The following TXLNB variants were observed in gnomAD, a reference collection of about 807,000 sequenced individuals.
TXLNB encodes the protein taxilin beta.
Under a neutral mutation model 57.4 loss-of-function variants are expected in TXLNB, and 37 were observed. The observed-to-expected ratio is 0.64, with a 90% CI of 0.50 to 0.85. The LOEUF is 0.85. Ranked by LOEUF, TXLNB falls within the 40% of genes least tolerant of loss-of-function variation. The probability of loss-of-function intolerance (pLI) is 0.00; values close to 1 mark genes in which losing one functional copy is unlikely to be tolerated. For missense variants in TXLNB, 848 were observed against 825.6 expected, an observed-to-expected ratio of 1.03 and a Z score of -0.33; for synonymous variants, 302 against 309.6, an observed-to-expected ratio of 0.98 and a Z score of 0.26.
the TXLNB span, among the ~76,000 whole-genome samples, chr6:139,308,154 G>A: frequency 6.6e-6 from 1 of 152,176 alleles, no homozygotes; most frequent in South Asian, 2.1e-4. Context: ...GCTATTAAAC[G>A]AAGAGGCAAA....
At chr6:139,288,444 G>C (rs762337573) in intron 2 of TXLNB, 32 bp downstream of exon 2, 15 of 1,597,420 alleles carry the variant, frequency 9.4e-6, no homozygotes, top group Non-Finnish European at 1.3e-5. Context: ...ATACCATACA[G>C]AAAAGTCACA....
At chr6:139,208,088 A>AGG in the TXLNB span, among the ~76,000 whole-genome samples, 1 of 151,930 alleles carries the variant, frequency 6.6e-6, no homozygotes, top group African/African-American at 2.4e-5. Context: ...ACAAAAAAAA[A>AGG]GAGAGAGAGA....
chr6:139,164,303 C>T, the TXLNB span, among the ~76,000 whole-genome samples: 8 of 151,906 alleles, frequency 5.3e-5, no homozygotes, highest in African/African-American at 1.9e-4. Flanking sequence ...TGACCAAGCC[C>T]AGTGGTTCCC....
the TXLNB span, among the ~76,000 whole-genome samples, chr6:139,308,513 C>T: frequency 6.6e-6 from 1 of 152,162 alleles, no homozygotes; most frequent in Non-Finnish European, 1.5e-5. Context: ...GTGTTCACTT[C>T]CTTGTTTTGC....
At chr6:139,306,651 T>C in the TXLNB span, among the ~76,000 whole-genome samples, 1 of 152,252 alleles carries the variant, frequency 6.6e-6, no homozygotes. Context: ...GTTCCTCATA[T>C]GATATAGTCT....
At chr6:139,164,760 C>G in the TXLNB span, among the ~76,000 whole-genome samples, 3 of 152,076 alleles carry the variant, frequency 2.0e-5, no homozygotes. Flanking sequence ...CCCTTGTCAT[C>G]CCAGCCTGTA....
intron 2 of TXLNB, among the ~76,000 whole-genome samples, chr6:139,285,381 T>C (rs1441803293): frequency 2.1e-5 from 3 of 143,692 alleles, no homozygotes; most frequent in African/African-American, 7.7e-5. Flanking sequence ...GTTGCTTACC[T>C]CTGGAATGAG....
intron 7 of TXLNB, among the ~76,000 whole-genome samples, chr6:139,249,638 T>G (rs757728243): frequency 7.2e-5 from 11 of 152,122 alleles, no homozygotes; most frequent in Non-Finnish European, 1.5e-4. Flanking sequence ...AGAGGGAGTA[T>G]GTATGAGTCA....
At chr6:139,215,204 A>T in the TXLNB span, among the ~76,000 whole-genome samples, 2 of 152,220 alleles carry the variant, frequency 1.3e-5, no homozygotes, top group African/African-American at 4.8e-5. Flanking sequence ...AGCTGGAGGC[A>T]TCACGCTACC....
the TXLNB span, among the ~76,000 whole-genome samples, chr6:139,202,747 T>C: frequency 6.6e-6 from 1 of 152,236 alleles, no homozygotes; most frequent in African/African-American, 2.4e-5. Context: ...TTTGAAAATA[T>C]ACAAGAAATT....
chr6:139,308,348 G>A, the TXLNB span, among the ~76,000 whole-genome samples: 1 of 152,294 alleles, frequency 6.6e-6, no homozygotes, highest in African/African-American at 2.4e-5. Flanking sequence ...CACTATATTG[G>A]AAGGACTTCC....
chr6:139,196,106 G>T, the TXLNB span, among the ~76,000 whole-genome samples: 9 of 152,008 alleles, frequency 5.9e-5, no homozygotes, highest in Non-Finnish European at 1.2e-4. Flanking sequence ...GGAGGAAAGG[G>T]TGAGATAAGA....
chr6:139,167,834 C>T, the TXLNB span, among the ~76,000 whole-genome samples: 1 of 152,026 alleles, frequency 6.6e-6, no homozygotes, highest in South Asian at 2.1e-4. Flanking sequence ...GACATTAGCC[C>T]GGTGGTGGTG....
At chr6:139,311,777 C>T in the TXLNB span, among the ~76,000 whole-genome samples, 3 of 152,098 alleles carry the variant, frequency 2.0e-5, no homozygotes, top group African/African-American at 7.2e-5. Context: ...TTAGTCAGTT[C>T]CGGCACAACA....
chr6:139,216,587 G>T, the TXLNB span, among the ~76,000 whole-genome samples: 1 of 151,904 alleles, frequency 6.6e-6, no homozygotes, highest in African/African-American at 2.4e-5. Flanking sequence ...TAACAAACTT[G>T]CACGTTGTGC....
intron 3 of TXLNB, chr6:139,271,684 T>C (rs1249761985): frequency 6.6e-6 from 1 of 152,170 alleles, no homozygotes; most frequent in Non-Finnish European, 1.5e-5. Context: ...GTAGACCTGG[T>C]GTGGGGAGTA....
At chr6:139,317,369 T>C in the TXLNB span, among the ~76,000 whole-genome samples, 1 of 151,896 alleles carries the variant, frequency 6.6e-6, no homozygotes, top group East Asian at 1.9e-4. Flanking sequence ...AAACAATAGA[T>C]GGCCTATATA....
At chr6:139,243,507 T>G (rs1776002705) in intron 9 of TXLNB, among the ~76,000 whole-genome samples, 193 bp from the exon 10 acceptor site, 1 of 151,510 alleles carries the variant, frequency 6.6e-6, no homozygotes, top group Non-Finnish European at 1.5e-5. Flanking sequence ...TTTTTTTTTT[T>G]TTTGGCATTG....
the TXLNB span, among the ~76,000 whole-genome samples, chr6:139,319,847 CTATT>C: frequency 6.6e-5 from 10 of 151,872 alleles, no homozygotes; most frequent in Admixed American, 3.9e-4. Flanking sequence ...TAATAAATGA[CTATT>C]TATAGTATTT....
Sources: gnomAD v4.1 joint callset for allele counts (sites outside exome capture counted in the v4.1 genomes callset) on GRCh38, gnomAD v4.1.1 for gene constraint, MANE v1.5 for transcripts, NCBI Gene and HGNC (gene_info 2026-07-23, HGNC 2026-07-21) for gene names.